Variants in CHCHD6 observed in about 807,000 individuals in gnomAD.
CHCHD6 encodes the protein MICOS complex subunit MIC25.
CHCHD6 carries 28 observed loss-of-function variants against 32.3 expected under a neutral mutation model. The ratio of observed to expected loss-of-function variants is 0.87; its 90% confidence interval spans 0.64 to 1.19. The LOEUF (loss-of-function observed/expected upper bound fraction) is 1.19, where lower values mean the gene tolerates loss of function less well. Ranked by LOEUF, CHCHD6 falls within the 50% of genes most tolerant of loss-of-function variation. The pLI, the probability that CHCHD6 is intolerant of heterozygous loss-of-function variation, is 0.00. For synonymous variants in CHCHD6, 122 were observed against 117.5 expected (o/e 1.04, Z -0.25); for missense variants, 333 against 307.0 (o/e 1.08, Z -0.63).
At chr3:126,949,360 G>C (rs71327781) in intron 6 of CHCHD6, 2 of 234,588 alleles carry the variant, frequency 8.5e-6, no homozygotes, top group East Asian at 3.6e-4. Flanking sequence ...CGGAAGGGAA[G>C]GCTGCACAGA....
At chr3:126,943,246 G>A (rs529869037) in intron 6 of CHCHD6, among the ~76,000 whole-genome samples, 4 of 152,306 alleles carry the variant, frequency 2.6e-5, no homozygotes, top group East Asian at 1.9e-4. Flanking sequence ...TGCTGGGAGG[G>A]AAAAGGACAA....
At chr3:126,838,255 A>G (rs1205849187) in intron 4 of CHCHD6, among the ~76,000 whole-genome samples, 1 of 152,200 alleles carries the variant, frequency 6.6e-6, no homozygotes, top group Non-Finnish European at 1.5e-5. Flanking sequence ...GAAAATTTGT[A>G]TCGTGTAATG....
At chr3:126,956,479 G>A (rs932254533) in intron 6 of CHCHD6, among the ~76,000 whole-genome samples, 4 of 152,236 alleles carry the variant, frequency 2.6e-5, no homozygotes, top group African/African-American at 9.6e-5. Context: ...ACAGCATGAT[G>A]AACGATAGTG....
intron 4 of CHCHD6, among the ~76,000 whole-genome samples, chr3:126,825,522 G>A (rs935573890): frequency 1.3e-5 from 2 of 151,944 alleles, no homozygotes; most frequent in Non-Finnish European, 2.9e-5. Flanking sequence ...TTATGTTTGT[G>A]GGTTTGTCCA....
At chr3:126,802,151 G>T (rs1215862266) in intron 4 of CHCHD6, among the ~76,000 whole-genome samples, 3 of 152,206 alleles carry the variant, frequency 2.0e-5, no homozygotes, top group African/African-American at 7.2e-5. Flanking sequence ...CTAAAAAGCA[G>T]AGTGCCTCTC....
chr3:126,705,714 A>C, intron 1 of CHCHD6, among the ~76,000 whole-genome samples: 1 of 151,936 alleles, frequency 6.6e-6, no homozygotes, highest in East Asian at 1.9e-4. Context: ...TAGTTAATTA[A>C]GGAGGAATTA....
intron 5 of CHCHD6, among the ~76,000 whole-genome samples, chr3:126,863,528 C>T (rs1350351227): frequency 1.5e-5 from 2 of 132,652 alleles, no homozygotes; most frequent in African/African-American, 3.0e-5. Context: ...TCCACCATCA[C>T]CACCTCCTCC....
intron 5 of CHCHD6, among the ~76,000 whole-genome samples, chr3:126,912,447 G>A (rs1243571744): frequency 1.3e-5 from 2 of 151,990 alleles, no homozygotes; most frequent in Non-Finnish European, 2.9e-5. Flanking sequence ...TGGGCATTTT[G>A]GCAGCAGCTG....
chr3:126,780,821 C>T (rs1224137819), intron 4 of CHCHD6, among the ~76,000 whole-genome samples: 2 of 152,228 alleles, frequency 1.3e-5, no homozygotes, highest in Non-Finnish European at 2.9e-5. Context: ...CATGTATTAT[C>T]TTCCTGCACA....
chr3:126,707,356 T>G (rs1934539391), intron 1 of CHCHD6, among the ~76,000 whole-genome samples: 2 of 152,148 alleles, frequency 1.3e-5, no homozygotes, highest in Admixed American at 1.3e-4. Context: ...CGTAATTCCA[T>G]GGAAGGTAAA....
chr3:126,791,919 T>C (rs1350652785), intron 4 of CHCHD6, among the ~76,000 whole-genome samples: 1 of 152,246 alleles, frequency 6.6e-6, no homozygotes, highest in Non-Finnish European at 1.5e-5. Context: ...CTCTACTTTC[T>C]GTTTCTGTCA....
intron 4 of CHCHD6, among the ~76,000 whole-genome samples, chr3:126,780,809 ACCATGTATTATCTTCCTG>A (rs1323153411): frequency 2.6e-5 from 4 of 152,200 alleles, no homozygotes; most frequent in Non-Finnish European, 4.4e-5. Flanking sequence ...TAACAGCCCA[ACCATGTATTATCTTCCTG>A]CACAAGAAGA....
intron 6 of CHCHD6, among the ~76,000 whole-genome samples, chr3:126,917,549 T>C (rs539828536): frequency 6.6e-6 from 1 of 152,352 alleles, no homozygotes; most frequent in South Asian, 2.1e-4. Flanking sequence ...ACACACTCTT[T>C]AATCTTTAAG....
chr3:126,778,232 T>C (rs1419711783), intron 4 of CHCHD6, among the ~76,000 whole-genome samples: 1 of 152,220 alleles, frequency 6.6e-6, no homozygotes, highest in Non-Finnish European at 1.5e-5. Flanking sequence ...GCTGTAAACA[T>C]TTGTCTACAA....
At chr3:126,849,952 G>A (rs1941414556) in intron 4 of CHCHD6, among the ~76,000 whole-genome samples, 2 of 152,232 alleles carry the variant, frequency 1.3e-5, no homozygotes, top group African/African-American at 2.4e-5. Context: ...TTGAGACTGC[G>A]GGGCAACTGT....
At chr3:126,801,457 T>C (rs887079808) in intron 4 of CHCHD6, among the ~76,000 whole-genome samples, 5 of 152,216 alleles carry the variant, frequency 3.3e-5, no homozygotes, top group Admixed American at 2.0e-4. Context: ...TCTTGCTGAT[T>C]GCTAGCACAG....
chr3:126,793,492 A>G (rs1411476986), intron 4 of CHCHD6, among the ~76,000 whole-genome samples: 1 of 152,102 alleles, frequency 6.6e-6, no homozygotes. Context: ...CCTTACCACC[A>G]ATTACATCCC....
chr3:126,862,735 T>C (rs1576514199), intron 5 of CHCHD6, among the ~76,000 whole-genome samples: 1 of 47,586 alleles, frequency 2.1e-5, no homozygotes, highest in Non-Finnish European at 3.6e-5. Flanking sequence ...CACCACCTCC[T>C]CCTCCACCAT....
intron 5 of CHCHD6, among the ~76,000 whole-genome samples, chr3:126,857,747 A>G (rs759167528): frequency 1.6e-4 from 25 of 152,332 alleles, no homozygotes; most frequent in African/African-American, 5.1e-4. Context: ...TACAACCACA[A>G]CATGATACCA....
Sources: gnomAD v4.1 joint callset for allele counts (sites outside exome capture counted in the v4.1 genomes callset) on GRCh38, gnomAD v4.1.1 for gene constraint, MANE v1.5 for transcripts, NCBI Gene and HGNC (gene_info 2026-07-23, HGNC 2026-07-21) for gene names.